Variants in DPP6 observed in about 807,000 individuals in gnomAD.
DPP6 encodes the protein dipeptidyl peptidase like 6, also known as A-type potassium channel modulatory protein DPP6.
In DPP6, 69 loss-of-function variants were observed where a neutral mutation model predicts 122.6. That is an observed-to-expected ratio of 0.56 (90% CI 0.46 to 0.69). The LOEUF (loss-of-function observed/expected upper bound fraction) is 0.69, where lower values mean the gene tolerates loss of function less well. Among genes scored for constraint, DPP6 ranks in the 30% least tolerant of loss-of-function variants. The probability of loss-of-function intolerance (pLI) is 0.00; values close to 1 mark genes in which losing one functional copy is unlikely to be tolerated. For missense variants in DPP6, 928 were observed against 1,116.9 expected (o/e 0.83, Z 2.41); for synonymous variants, 418 against 433.1 (o/e 0.97, Z 0.43).
At chr7:154,840,601 G>A (rs755146576) in intron 16 of DPP6, among the ~76,000 whole-genome samples, 7 of 152,130 alleles carry the variant, frequency 4.6e-5, no homozygotes, top group African/African-American at 9.7e-5. Flanking sequence ...GCATGTGCTC[G>A]GAAGTTTTTA....
chr7:154,572,281 G>T (rs1394945256), intron 5 of DPP6, among the ~76,000 whole-genome samples: 1 of 152,088 alleles, frequency 6.6e-6, no homozygotes, highest in Non-Finnish European at 1.5e-5. Flanking sequence ...GATCAAACCT[G>T]CTTGGTGAGG....
At chr7:154,365,397 T>G (rs1385403573) in intron 1 of DPP6, among the ~76,000 whole-genome samples, 2 of 152,194 alleles carry the variant, frequency 1.3e-5, no homozygotes, top group Non-Finnish European at 2.9e-5. Flanking sequence ...CCACTTGCCT[T>G]TGGTCAAAGC....
chr7:154,439,778 A>AT (rs1157357692), intron 1 of DPP6, among the ~76,000 whole-genome samples: 1 of 152,236 alleles, frequency 6.6e-6, no homozygotes, highest in Non-Finnish European at 1.5e-5. Flanking sequence ...TGCTTTAGCA[A>AT]GGGTGGTGGG....
chr7:153,928,999 G>A (rs59878764), intron 1 of DPP6, among the ~76,000 whole-genome samples: 35,636 of 151,958 alleles, frequency 0.23, 4,506 homozygotes, highest in African/African-American at 0.31. Context: ...GAGAGAGCGC[G>A]GAGGGCCAGA....
At chr7:153,889,583 T>A (rs765050563) in intron 1 of DPP6, among the ~76,000 whole-genome samples, 12 of 152,200 alleles carry the variant, frequency 7.9e-5, no homozygotes, top group Non-Finnish European at 1.6e-4. Context: ...ATTAGAAACC[T>A]TATGGTCTTT....
chr7:154,556,001 G>A (rs184257877), intron 4 of DPP6, among the ~76,000 whole-genome samples: 2 of 152,232 alleles, frequency 1.3e-5, no homozygotes, highest in Non-Finnish European at 1.5e-5. Context: ...TAAACATTTT[G>A]CAAAATGATC....
chr7:153,786,043 C>A, the DPP6 span, among the ~76,000 whole-genome samples: 2 of 152,108 alleles, frequency 1.3e-5, no homozygotes, highest in African/African-American at 4.8e-5. Context: ...CTAAGACCGA[C>A]ATATTTTATC....
chr7:153,825,903 G>A, the DPP6 span, among the ~76,000 whole-genome samples: 1 of 152,102 alleles, frequency 6.6e-6, no homozygotes, highest in Admixed American at 6.5e-5. Flanking sequence ...TTACTGTCAG[G>A]TTCATAGGAG....
intron 1 of DPP6, among the ~76,000 whole-genome samples, chr7:154,107,376 TA>T (rs1012523411): frequency 6.6e-6 from 1 of 152,104 alleles, no homozygotes; most frequent in African/African-American, 2.4e-5. Flanking sequence ...TGTAGAATCT[TA>T]AAAAGTCAAA....
chr7:153,981,371 C>A (rs1196033752), intron 1 of DPP6, among the ~76,000 whole-genome samples: 3 of 152,060 alleles, frequency 2.0e-5, no homozygotes, highest in Admixed American at 6.6e-5. Context: ...GCAAGCCCTG[C>A]TTTTTTTACT....
Position 154,237,065 on chromosome 7 carries a change from A to G in DPP6, c.243+184002A>G, listed in dbSNP as rs76699431. Among the ~76,000 whole-genome samples the G allele has an allele frequency of 8.3e-3, 1,259 of 152,278 alleles. 21 individuals are homozygous for G. Among genetic ancestry groups the G allele is most frequent in the African/African-American group, 0.028 (1,174 of 41,532 alleles). ...CCCATTGAGGTCCAAACAACTAGTG[A>G]TGGTTTAAAATCTTACGACTGGGCG... On this transcript the variant is annotated intron_variant, in intron 1 of 25. Coordinates refer to ENST00000377770, the MANE Select transcript of DPP6 (RefSeq NM_130797.4).
At chr7:154,293,690 T>C (rs1805352033) in intron 1 of DPP6, among the ~76,000 whole-genome samples, 2 of 152,244 alleles carry the variant, frequency 1.3e-5, no homozygotes, top group African/African-American at 2.4e-5. Context: ...ACTGTGACCC[T>C]ACTACCCTGT....
intron 1 of DPP6, among the ~76,000 whole-genome samples, chr7:154,355,412 CT>C (rs1432945998): frequency 2.6e-5 from 4 of 151,960 alleles, no homozygotes; most frequent in Non-Finnish European, 5.9e-5. Flanking sequence ...TTAATCTTTG[CT>C]TTTTTAGAGT....
chr7:153,891,203 T>C (rs1799186013), intron 1 of DPP6, among the ~76,000 whole-genome samples: 1 of 151,088 alleles, frequency 6.6e-6, no homozygotes, highest in Non-Finnish European at 1.5e-5. Context: ...TTTGTATTTT[T>C]CGTAGAGACG....
At chr7:154,876,393 C>T (rs904595699) in intron 20 of DPP6, 6 of 357,490 alleles carry the variant, frequency 1.7e-5, no homozygotes, top group Non-Finnish European at 1.9e-5. Context: ...GCGCTGTGGT[C>T]ACTGACCCGG....
chr7:154,420,974 CAAT>C (rs1817421995), intron 1 of DPP6, among the ~76,000 whole-genome samples: 1 of 151,750 alleles, frequency 6.6e-6, no homozygotes, highest in African/African-American at 2.4e-5. Flanking sequence ...GTTCTTACCA[CAAT>C]AAAACTTTAA....
the DPP6 span, among the ~76,000 whole-genome samples, chr7:153,822,181 C>A: frequency 3.2e-5 from 2 of 61,888 alleles, no homozygotes; most frequent in Non-Finnish European, 2.9e-5. Flanking sequence ...GGGGGGGAAT[C>A]TTTTTTTTTT....
chr7:154,482,751 G>T (rs1274118184), intron 3 of DPP6, among the ~76,000 whole-genome samples: 1 of 152,144 alleles, frequency 6.6e-6, no homozygotes, highest in Non-Finnish European at 1.5e-5. Context: ...GAAAGTTTAG[G>T]CTGTGACAGG....
chr7:154,433,753 G>A (rs1818640111), intron 1 of DPP6, among the ~76,000 whole-genome samples: 1 of 152,074 alleles, frequency 6.6e-6, no homozygotes, highest in Non-Finnish European at 1.5e-5. Flanking sequence ...ATTATATCTG[G>A]AGGCAGTAAT....
Sources: allele counts gnomAD v4.1 joint callset (sites outside exome capture counted in the v4.1 genomes callset), GRCh38; gene constraint gnomAD v4.1.1; transcripts MANE v1.5; gene names NCBI Gene and HGNC (gene_info 2026-07-23, HGNC 2026-07-21).